Variants in SELENOO observed in about 807,000 individuals in gnomAD.
SELENOO encodes the protein protein adenylyltransferase SelO, mitochondrial.
Under a neutral mutation model 58.7 loss-of-function variants are expected in SELENOO, and 74 were observed. The observed-to-expected ratio is 1.26, with a 90% CI of 1.04 to 1.53. The LOEUF (loss-of-function observed/expected upper bound fraction) is 1.53, where lower values mean the gene tolerates loss of function less well. Ranked by LOEUF, SELENOO falls within the 40% of genes most tolerant of loss-of-function variation. The pLI, the probability that SELENOO is intolerant of heterozygous loss-of-function variation, is 0.00. For synonymous variants in SELENOO, 543 were observed against 453.2 expected (o/e 1.20, Z -2.52); for missense variants, 1,149 against 970.0 (o/e 1.18, Z -2.45).
intron 1 of SELENOO, chr22:50,205,567 A>G (rs931701396): frequency 6.6e-6 from 1 of 152,150 alleles, no homozygotes; most frequent in African/African-American, 2.4e-5. Context: ...CCTGTCTTTA[A>G]AAAACAAAAA....
At chr22:50,215,654 G>C in intron 5 of SELENOO, 63 bp from the exon 6 acceptor site, 1 of 1,240,228 alleles carries the variant, frequency 8.1e-7, no homozygotes. Flanking sequence ...GGGGGTCTGT[G>C]TGGCACCAGG....
chr22:50,213,343 C>T (rs865878214), intron 5 of SELENOO, among the ~76,000 whole-genome samples: 11 of 152,274 alleles, frequency 7.2e-5, no homozygotes, highest in Middle Eastern at 3.4e-3. Context: ...GGGGATGAGC[C>T]GCCGCGCCCA....
chr22:50,203,997 G>GAA (rs886654251), intron 1 of SELENOO, among the ~76,000 whole-genome samples: 2 of 151,382 alleles, frequency 1.3e-5, no homozygotes, highest in South Asian at 4.2e-4. Flanking sequence ...TCAGCAACAG[G>GAA]AAAAAAAAAT....
Position 50,216,837 on chromosome 22 carries a change from G to A in SELENOO, c.1649G>A (p.Arg550Lys). Residue 550 changes from arginine to lysine, a missense_variant, in exon 7 of 9, where the codon AGG (arginine) becomes AAG (lysine). Transcript: ENST00000380903. The part of the protein sequence containing the change: ...EQLSAAELQS[R>K]NQGHWADWLQ... ...CTGAGTGCGGCAGAGCTGCAGAGCA[G>A]GAACCAGGGCCACTGGGCTGACTGG... 6.2e-7 allele frequency: 1 copy of A among 1,608,730 alleles called. No individual in the cohort carries two copies. Among genetic ancestry groups the A allele is most frequent in the Non-Finnish European group, 8.5e-7 (1 of 1,179,874 alleles).
At chr22:50,202,294 C>G (rs1342807383) in intron 1 of SELENOO, among the ~76,000 whole-genome samples, 1 of 152,234 alleles carries the variant, frequency 6.6e-6, no homozygotes, top group Admixed American at 6.5e-5. Flanking sequence ...ATCACCTCCC[C>G]CTCCAGCACC....
In SELENOO at chr22:50,216,831, AGAGCAG is replaced by A; in HGVS notation, c.1646_1651del (p.Ser549_Arg550del). ...GAGCAGCTGAGTGCGGCAGAGCTGC[AGAGCAG>A]GAACCAGGGCCACTGGGCTGACTGG... On this transcript the variant is annotated inframe_deletion, in exon 7 of 9. Transcript: ENST00000380903. 4.4e-6 allele frequency: 7 copies of A among 1,608,842 alleles called. No individual in the cohort carries two copies. Among genetic ancestry groups the A allele is most frequent in the Non-Finnish European group, 5.9e-6 (7 of 1,179,864 alleles).
At position 50,210,029 on chromosome 22, in the gene SELENOO, C is replaced by A. The variant is rs528321235; in HGVS notation, c.940-152C>A. 7 of 819,566 alleles carry A rather than the reference C, an allele frequency of 8.5e-6. No homozygotes were observed. The Admixed American group carries it at 1.8e-4, about 21-fold the overall frequency. The allele number at this position is 819,566 out of a possible 1,614,324, so 50.8% of individuals were successfully genotyped here. ...CTTCATCGCCACCTTGTGGTTGAGG[C>A]GGTGACAGGACATCAGGAAGATCGC... On this transcript the variant is annotated intron_variant, in intron 3 of 8. Coordinates refer to ENST00000380903, the MANE Select transcript of SELENOO (RefSeq NM_031454.2).
rs1197447369 is a variant in SELENOO at position 50,217,546 on chromosome 22, C to T, written c.*177C>T. The T allele has an allele frequency of 5.0e-6, 5 of 1,002,084 alleles. No homozygotes were observed. Among genetic ancestry groups the T allele is most frequent in the Non-Finnish European group, 7.2e-6 (5 of 692,400 alleles). The allele number at this position is 1,002,084 out of a possible 1,614,324, so 62.1% of individuals were successfully genotyped here. A position where few individuals can be genotyped will look rare whatever the true frequency, so the allele number is the denominator to read the frequency against. The stretch of plus-strand genomic sequence containing the variant: ...GGACCTGACCCGTCTCTGTCTGAGG[C>T]CGGCTCAGCAGTGCAGCCTGGTCCC... On this transcript the variant is annotated 3_prime_UTR_variant, in exon 9 of 9. Transcript: ENST00000380903.
At chr22:50,211,789 C>T (rs1287026208) in intron 5 of SELENOO, among the ~76,000 whole-genome samples, 5 of 152,196 alleles carry the variant, frequency 3.3e-5, no homozygotes, top group African/African-American at 1.2e-4. Context: ...CTGCAACCTC[C>T]ACCTCCTGGG....
intron 5 of SELENOO, among the ~76,000 whole-genome samples, chr22:50,215,214 G>A (rs542154547): frequency 9.2e-5 from 14 of 152,240 alleles, no homozygotes; most frequent in South Asian, 8.3e-4. Context: ...CTCAACACTC[G>A]CTAGCTCCCA....
chr22:50,210,633 ACGACCC>A lies in SELENOO; in HGVS notation c.1079_1084del (p.Pro360_Asp361del), dbSNP rs1348686058. The A allele has an allele frequency of 6.2e-7, 1 of 1,612,662 alleles. No homozygotes were observed. The highest frequency in any genetic ancestry group is 1.3e-5 in the African/African-American group (1 of 74,930). On this transcript the variant is annotated inframe_deletion, in exon 5 of 9. Transcript: ENST00000380903. ...GGCTCTCTTGCCCCGTGTGGCAGGT[ACGACCC>A]CGACCACGTGTGCAATGCCTCCGAC...
intron 3 of SELENOO, 127 bp from the exon 4 acceptor site, chr22:50,210,054 C>A: frequency 8.7e-7 from 1 of 1,153,408 alleles, no homozygotes; most frequent in Non-Finnish European, 1.2e-6. Flanking sequence ...AGGAAGATCG[C>A]CCAGAAACTG....
chr22:50,217,366 G>C lies in SELENOO; in HGVS notation c.2007G>C (p.Ser669=), dbSNP rs373062168. The change falls in exon 9 of 9, where the codon TCG becomes TCC. Residue 669 remains serine (S), a synonymous_variant. Coordinates refer to ENST00000380903, the MANE Select transcript of SELENOO (RefSeq NM_031454.2). ...CAGAACTGTGCGTGACATGATCTTCGTAACGGCCTCGGCACGCTCCACACC... is the reference window on the plus strand; with the variant it reads ...CAGAACTGTGCGTGACATGATCTTCCTAACGGCCTCGGCACGCTCCACACC... ...WAAELCVTUS[S] 11 of 1,612,532 alleles carry C rather than the reference G, an allele frequency of 6.8e-6. No homozygotes were observed. Among genetic ancestry groups the C allele is most frequent in the Non-Finnish European group, 8.5e-6 (10 of 1,179,894 alleles).
chr22:50,212,646 G>A (rs1381431665), intron 5 of SELENOO, among the ~76,000 whole-genome samples: 2 of 152,156 alleles, frequency 1.3e-5, no homozygotes, highest in African/African-American at 4.8e-5. Flanking sequence ...CAACCACTCC[G>A]CTCCGAGTCT....
chr22:50,203,836 G>A (rs2064316516), intron 1 of SELENOO, among the ~76,000 whole-genome samples: 1 of 152,144 alleles, frequency 6.6e-6, no homozygotes, highest in Admixed American at 6.5e-5. Context: ...TAAAGAAACA[G>A]GCAAACAAGA....
At position 50,216,864 on chromosome 22, in the gene SELENOO, T is replaced by C; in HGVS notation, c.1676T>C (p.Leu559Pro). 6.2e-7 allele frequency: 1 copy of C among 1,607,364 alleles called. No individual in the cohort carries two copies. The highest frequency in any genetic ancestry group is 8.5e-7 in the Non-Finnish European group (1 of 1,179,836). The change falls in exon 7 of 9, where the codon CTA becomes CCA. Residue 559 changes from leucine to proline, a missense_variant. Transcript: ENST00000380903. ...AACCAGGGCCACTGGGCTGACTGGC[T>C]ACAGGCGTACAGGTGAGCCCTGCGT... Reference protein sequence around the residue: ...SRNQGHWADWLQAYRARLDKD... With the variant: ...SRNQGHWADWPQAYRARLDKD...
In SELENOO at chr22:50,205,832, G is replaced by A. The variant is rs79775993; in HGVS notation, c.555-485G>A. On this transcript the variant is annotated intron_variant, in intron 1 of 8. Transcript: ENST00000380903. ...GGCCAGCGCTGTCGGAGCCTCGGGC[G>A]GGTTTTGCGGGGCGGGCAGCTGGCT... 1,109 of 168,826 alleles carry A rather than the reference G, an allele frequency of 6.6e-3. 12 individuals carry two copies. The highest frequency in any genetic ancestry group is 0.026 in the African/African-American group (1,076 of 41,810). The allele number at this position is 168,826 out of a possible 1,614,324, so 10.5% of individuals were successfully genotyped here.
intron 2 of SELENOO, among the ~76,000 whole-genome samples, chr22:50,207,791 G>A (rs1029375136): frequency 2.4e-5 from 3 of 125,738 alleles, no homozygotes; most frequent in African/African-American, 8.8e-5. Context: ...CCTGGGGGAC[G>A]GCTGCTGGTG....
chr22:50,206,737 T>C (rs2064335535), intron 2 of SELENOO, among the ~76,000 whole-genome samples: 1 of 152,214 alleles, frequency 6.6e-6, no homozygotes, highest in Non-Finnish European at 1.5e-5. Flanking sequence ...AGGCATTTGG[T>C]ACTCAGTTAG....
Sources: allele counts gnomAD v4.1 joint callset (sites outside exome capture counted in the v4.1 genomes callset), GRCh38; gene constraint gnomAD v4.1.1; transcripts MANE v1.5; gene names NCBI Gene and HGNC (gene_info 2026-07-23, HGNC 2026-07-21).